The following USH2A variants were observed in gnomAD, a reference collection of about 807,000 sequenced individuals.
USH2A encodes usherin, also known as Usher syndrome 2A (autosomal recessive, mild).
Under a neutral mutation model 538.9 loss-of-function variants are expected in USH2A, and 443 were observed. The observed-to-expected ratio is 0.82, with a 90% CI of 0.76 to 0.89. The LOEUF (loss-of-function observed/expected upper bound fraction) is 0.89. Ranked by LOEUF, USH2A falls within the 40% of genes least tolerant of loss-of-function variation. The pLI, the probability that USH2A is intolerant of heterozygous loss-of-function variation, is 0.00. For synonymous variants in USH2A, 2,413 were observed against 2,273.5 expected (o/e 1.06, Z -1.75); for missense variants, 6,633 against 6,324.8 (o/e 1.05, Z -1.65).
rs1408818437 is a variant in USH2A at position 215,674,448 on chromosome 1, G to T, written c.13463C>A (p.Thr4488Lys). The T allele has an allele frequency of 6.2e-7, 1 of 1,614,040 alleles. No homozygotes were observed. Among genetic ancestry groups the T allele is most frequent in the African/African-American group, 1.3e-5 (1 of 74,922 alleles). Reference sequence around the variant, plus strand: ...ATCACGATAGCGTGTTTCCAAGCCTGTATATACAATGGTTCCATCCCTCCT... The same window carrying T: ...ATCACGATAGCGTGTTTCCAAGCCTTTATATACAATGGTTCCATCCCTCCT... ...ELRRDGTIVYTGLETRYRDFT... is the reference protein window; with the variant it reads ...ELRRDGTIVYKGLETRYRDFT... The change falls in exon 63 of 72, where the codon ACA (threonine) becomes AAA (lysine). Residue 4488 changes from threonine to lysine, a missense_variant. Physicochemically the swap from Thr to Lys is moderately conservative, Grantham distance 78. Coordinates refer to ENST00000307340, the MANE Select transcript of USH2A (RefSeq NM_206933.4).
chr1:215,641,054 C>T (rs1656670474), intron 67 of USH2A, among the ~76,000 whole-genome samples: 3 of 152,004 alleles, frequency 2.0e-5, no homozygotes, highest in African/African-American at 7.3e-5. Context: ...ATCTGCTCAC[C>T]AGCATAACCC....
At chr1:216,223,925 G>A (rs1371913735) in intron 14 of USH2A, among the ~76,000 whole-genome samples, 1 of 152,172 alleles carries the variant, frequency 6.6e-6, no homozygotes, top group Non-Finnish European at 1.5e-5. Flanking sequence ...TAGAACATTT[G>A]CAGTAAAACC....
chr1:215,845,198 G>A (rs772306734), intron 45 of USH2A, among the ~76,000 whole-genome samples: 7 of 152,046 alleles, frequency 4.6e-5, no homozygotes, highest in South Asian at 4.1e-4. Flanking sequence ...CCGACCTTTG[G>A]CACCACAAAG....
chr1:215,787,186 G>A (rs1455861670), intron 51 of USH2A, among the ~76,000 whole-genome samples: 1 of 152,048 alleles, frequency 6.6e-6, no homozygotes, highest in Non-Finnish European at 1.5e-5. Context: ...TTACTACCAA[G>A]GTTTGTTGTG....
chr1:215,941,556 C>G (rs1476013835), intron 37 of USH2A, among the ~76,000 whole-genome samples: 1 of 152,066 alleles, frequency 6.6e-6, no homozygotes, highest in South Asian at 2.1e-4. Context: ...AGAAAGTGGT[C>G]TCCGGCTTCC....
At chr1:216,315,452 A>G (rs1294401214) in intron 9 of USH2A, among the ~76,000 whole-genome samples, 1 of 152,200 alleles carries the variant, frequency 6.6e-6, no homozygotes, top group Non-Finnish European at 1.5e-5. Context: ...TTGGGGGTTC[A>G]GAGACAGCAC....
chr1:215,807,788 CT>C lies in USH2A; in HGVS notation c.9739+5947del, dbSNP rs201873386. Among the ~76,000 whole-genome samples the C allele has an allele frequency of 1.0e-3, 153 of 152,150 alleles. 5 individuals carry two copies. In the East Asian group the frequency reaches 0.026, roughly 26 times the overall value. ...CATGATCTGATGAAAGTGGACACCC[CT>C]GAGTCCTTGCTCTGGAAAGATTCAT... is the stretch of plus-strand genomic sequence containing the variant. On this transcript the variant is annotated intron_variant, in intron 49 of 71. Coordinates refer to ENST00000307340, the MANE Select transcript of USH2A (RefSeq NM_206933.4).
At chr1:215,980,531 A>C (rs1667726015) in intron 35 of USH2A, among the ~76,000 whole-genome samples, 1 of 152,156 alleles carries the variant, frequency 6.6e-6, no homozygotes, top group Admixed American at 6.6e-5. Context: ...ACGTTGAAAA[A>C]ATAGAATGTT....
At chr1:216,186,387 A>G (rs2034604581) in intron 20 of USH2A, among the ~76,000 whole-genome samples, 1 of 151,872 alleles carries the variant, frequency 6.6e-6, no homozygotes, top group Non-Finnish European at 1.5e-5. Flanking sequence ...TGCTTTCCCT[A>G]TACCATATGA....
intron 63 of USH2A, among the ~76,000 whole-genome samples, chr1:215,672,095 T>C (rs1657836143): frequency 6.6e-6 from 1 of 152,174 alleles, no homozygotes; most frequent in Admixed American, 6.5e-5. Flanking sequence ...CTTGAAAAGG[T>C]CTATTTACAT....
chr1:216,075,748 T>C (rs540454390), intron 27 of USH2A, among the ~76,000 whole-genome samples: 2 of 152,076 alleles, frequency 1.3e-5, no homozygotes, highest in Non-Finnish European at 2.9e-5. Context: ...TAAACTCTCA[T>C]CATCTGAGCT....
At chr1:216,412,897 T>G (rs757507392) in intron 3 of USH2A, among the ~76,000 whole-genome samples, 3 of 152,030 alleles carry the variant, frequency 2.0e-5, no homozygotes, top group Non-Finnish European at 2.9e-5. Context: ...TATAAGTCAG[T>G]GGCACAGAGC....
At chr1:216,047,308 C>T (rs2030564184) in intron 31 of USH2A, among the ~76,000 whole-genome samples, 2 of 152,036 alleles carry the variant, frequency 1.3e-5, no homozygotes, top group Admixed American at 1.3e-4. Context: ...AAACCCTGGA[C>T]AAAGGATTTA....
chr1:215,934,878 T>A, intron 37 of USH2A, 83 bp from the exon 38 acceptor site: 1 of 1,323,956 alleles, frequency 7.6e-7, no homozygotes, highest in Non-Finnish European at 1.0e-6. Context: ...CTTGAGTTTC[T>A]AAATATACTG....
chr1:215,752,616 C>A (rs1414953729), intron 58 of USH2A, among the ~76,000 whole-genome samples: 1 of 152,170 alleles, frequency 6.6e-6, no homozygotes, highest in Non-Finnish European at 1.5e-5. Flanking sequence ...GTTACTACTT[C>A]CTTCACGCTG....
At chr1:216,169,100 ATT>A (rs934969167) in intron 21 of USH2A, among the ~76,000 whole-genome samples, 11 of 152,098 alleles carry the variant, frequency 7.2e-5, no homozygotes, top group Admixed American at 2.0e-4. Context: ...AGGAGAACCC[ATT>A]GAGTGGTTGC....
intron 61 of USH2A, among the ~76,000 whole-genome samples, chr1:215,681,714 T>A (rs1658237639): frequency 6.6e-6 from 1 of 152,172 alleles, no homozygotes; most frequent in African/African-American, 2.4e-5. Context: ...TAGGTTTTGG[T>A]GCTGTTTTCT....
chr1:216,285,958 AC>A lies in USH2A; in HGVS notation c.1971+3321del, dbSNP rs2036874995. On this transcript the variant is annotated intron_variant, in intron 11 of 71. Coordinates refer to ENST00000307340, the MANE Select transcript of USH2A (RefSeq NM_206933.4). Reference sequence around the variant, plus strand: ...GTACCGCTATTGTATCTAGGAAGTAACTAACTTGCTTTTGCTTTTACAGGCT... The same window carrying A: ...GTACCGCTATTGTATCTAGGAAGTAATAACTTGCTTTTGCTTTTACAGGCT... Among the ~76,000 whole-genome samples, 8 of 152,168 alleles carry A rather than the reference AC, an allele frequency of 5.3e-5. No homozygotes were observed. The South Asian group carries it at 1.4e-3, about 28-fold the overall frequency.
rs114756568 is a variant in USH2A, at chr1:216,152,877, C to G, written c.4627+22375G>C. ...CTTTTGGCCCACCATGCCCCACTAT[C>G]CTATACCCATATAAACCCCAAACCC... On this transcript the variant is annotated intron_variant, in intron 21 of 71. Transcript: ENST00000307340. Among the ~76,000 whole-genome samples, 865 of 152,320 alleles carry G rather than the reference C, an allele frequency of 5.7e-3. 9 individuals are homozygous for G. Among genetic ancestry groups the G allele is most frequent in the African/African-American group, 0.02 (832 of 41,578 alleles).
Sources: gnomAD v4.1 joint callset for allele counts (sites outside exome capture counted in the v4.1 genomes callset) on GRCh38, gnomAD v4.1.1 for gene constraint, MANE v1.5 for transcripts, NCBI Gene and HGNC (gene_info 2026-07-23, HGNC 2026-07-21) for gene names.